Variants in SPIDR observed in about 807,000 individuals in gnomAD.
SPIDR encodes scaffold protein involved in DNA repair, also known as DNA repair-scaffolding protein.
SPIDR carries 93 observed loss-of-function variants against 104.6 expected under a neutral mutation model. The ratio of observed to expected loss-of-function variants is 0.89; its 90% CI spans 0.75 to 1.06. The LOEUF (loss-of-function observed/expected upper bound fraction) is 1.06, where lower values mean the gene tolerates loss of function less well. Ranked by LOEUF, SPIDR falls within the 50% of genes least tolerant of loss-of-function variation. The pLI, the probability that SPIDR is intolerant of heterozygous loss-of-function variation, is 0.00. For missense variants in SPIDR, 1,154 were observed against 1,111.2 expected, an observed-to-expected ratio of 1.04 and a Z score of -0.55; for synonymous variants, 431 against 416.9, an observed-to-expected ratio of 1.03 and a Z score of -0.41.
chr8:47,726,957 C>T (rs918702691), intron 16 of SPIDR, among the ~76,000 whole-genome samples: 2 of 152,144 alleles, frequency 1.3e-5, no homozygotes, highest in Non-Finnish European at 2.9e-5. Context: ...GGAAAAATAT[C>T]CCAACAAAAA....
At chr8:47,622,258 G>GT (rs2065268291) in intron 10 of SPIDR, among the ~76,000 whole-genome samples, 1 of 152,186 alleles carries the variant, frequency 6.6e-6, no homozygotes, top group African/African-American at 2.4e-5. Flanking sequence ...AAGGTCTAAA[G>GT]ATGGCTTTGA....
At chr8:47,578,890 A>G (rs1242842792) in intron 8 of SPIDR, among the ~76,000 whole-genome samples, 1 of 152,212 alleles carries the variant, frequency 6.6e-6, no homozygotes, top group African/African-American at 2.4e-5. Flanking sequence ...AGTTATATGT[A>G]ACTGTCTGAC....
intron 10 of SPIDR, among the ~76,000 whole-genome samples, chr8:47,629,921 T>C (rs2066794802): frequency 6.6e-6 from 1 of 152,256 alleles, no homozygotes; most frequent in Non-Finnish European, 1.5e-5. Context: ...TTTTTTACTA[T>C]AGTTCCAAGT....
chr8:47,444,292 A>G (rs1270137159), intron 8 of SPIDR, among the ~76,000 whole-genome samples: 3 of 152,230 alleles, frequency 2.0e-5, no homozygotes, highest in Admixed American at 6.5e-5. Flanking sequence ...ACATCCTGCC[A>G]TGAAATCTAA....
intron 3 of SPIDR, among the ~76,000 whole-genome samples, chr8:47,290,089 G>A (rs2039627687): frequency 6.6e-6 from 1 of 152,006 alleles, no homozygotes; most frequent in Admixed American, 6.6e-5. Context: ...GCCCAGGCTG[G>A]AGTGCAGTGG....
intron 2 of SPIDR, among the ~76,000 whole-genome samples, chr8:47,281,622 A>G (rs922566783): frequency 1.3e-5 from 2 of 152,196 alleles, no homozygotes; most frequent in African/African-American, 2.4e-5. Context: ...AATTGCAGCA[A>G]TTCAGTCATA....
chr8:47,361,363 G>A (rs1404957506), intron 5 of SPIDR, among the ~76,000 whole-genome samples: 1 of 152,204 alleles, frequency 6.6e-6, no homozygotes, highest in Non-Finnish European at 1.5e-5. Context: ...CTGGTTTGTG[G>A]ATCTGTGGCA....
At chr8:47,729,559 C>A in intron 19 of SPIDR, 94 bp downstream of exon 19, 1 of 1,383,362 alleles carries the variant, frequency 7.2e-7, no homozygotes, top group Non-Finnish European at 9.8e-7. Context: ...CAAATGTGTT[C>A]TATTACAACC....
intron 1 of SPIDR, among the ~76,000 whole-genome samples, chr8:47,261,749 C>CCA (rs1264639116): frequency 6.6e-6 from 1 of 152,184 alleles, no homozygotes; most frequent in Non-Finnish European, 1.5e-5. Context: ...AACTTCTTTA[C>CCA]CACTACCATG....
At chr8:47,304,326 A>G (rs1298222443) in intron 5 of SPIDR, among the ~76,000 whole-genome samples, 1 of 152,042 alleles carries the variant, frequency 6.6e-6, no homozygotes, top group Non-Finnish European at 1.5e-5. Context: ...AACCCTTGGT[A>G]CTGTCCTCAC....
intron 7 of SPIDR, among the ~76,000 whole-genome samples, chr8:47,416,475 G>A (rs2064307929): frequency 2.0e-5 from 3 of 151,994 alleles, no homozygotes; most frequent in Admixed American, 2.0e-4. Flanking sequence ...AAAAATAAAA[G>A]GTGCTGTGAA....
chr8:47,589,541 A>T (rs2060741511), intron 8 of SPIDR, among the ~76,000 whole-genome samples: 1 of 152,024 alleles, frequency 6.6e-6, no homozygotes, highest in Non-Finnish European at 1.5e-5. Flanking sequence ...AAAAAAAAAA[A>T]TTACATATTT....
At chr8:47,603,869 C>T (rs570784241) in intron 10 of SPIDR, among the ~76,000 whole-genome samples, 1 of 152,310 alleles carries the variant, frequency 6.6e-6, no homozygotes, top group African/African-American at 2.4e-5. Context: ...AAGAAAAGCA[C>T]ATTTTCCTTT....
At chr8:47,553,582 T>C (rs1238207337) in intron 8 of SPIDR, among the ~76,000 whole-genome samples, 1 of 152,212 alleles carries the variant, frequency 6.6e-6, no homozygotes, top group Non-Finnish European at 1.5e-5. Context: ...CATGCCATGG[T>C]TTTCAGCTCC....
chr8:47,635,987 C>T (rs1415152655), intron 10 of SPIDR, among the ~76,000 whole-genome samples: 1 of 152,188 alleles, frequency 6.6e-6, no homozygotes. Flanking sequence ...AGGCATGGCT[C>T]ACTTTATTAT....
intron 5 of SPIDR, among the ~76,000 whole-genome samples, chr8:47,353,877 C>T (rs2054021026): frequency 6.6e-6 from 1 of 151,184 alleles, no homozygotes; most frequent in Non-Finnish European, 1.5e-5. Flanking sequence ...AGGAATGTTC[C>T]TCTTGTCTTT....
chr8:47,327,978 A>G (rs770106316), intron 5 of SPIDR, among the ~76,000 whole-genome samples: 37 of 150,262 alleles, frequency 2.5e-4, no homozygotes, highest in Non-Finnish European at 4.3e-4. Flanking sequence ...GATTACAGGC[A>G]TGAGCCACGA....
intron 5 of SPIDR, among the ~76,000 whole-genome samples, chr8:47,374,429 T>G (rs1327621922): frequency 1.3e-5 from 2 of 152,254 alleles, no homozygotes; most frequent in South Asian, 4.1e-4. Context: ...ACTGTATCTA[T>G]TCAAAAGTAA....
At chr8:47,288,666 T>C (rs2039331237) in intron 3 of SPIDR, among the ~76,000 whole-genome samples, 2 of 152,262 alleles carry the variant, frequency 1.3e-5, no homozygotes, top group Non-Finnish European at 2.9e-5. Flanking sequence ...CAGTTTATTT[T>C]ATTAGCTATT....
Sources: allele counts gnomAD v4.1 joint callset (sites outside exome capture counted in the v4.1 genomes callset), GRCh38; gene constraint gnomAD v4.1.1; transcripts MANE v1.5; gene names NCBI Gene and HGNC (gene_info 2026-07-23, HGNC 2026-07-21).